The following SMOC1 variants were observed in gnomAD, a reference collection of about 807,000 sequenced individuals.
The protein encoded by SMOC1 is SPARC-related modular calcium-binding protein 1.
In SMOC1, 22 loss-of-function variants were observed where a neutral mutation model predicts 56.3. That is an observed-to-expected ratio of 0.39 (90% CI 0.28 to 0.56). The LOEUF (loss-of-function observed/expected upper bound fraction) is 0.56. Among genes scored for constraint, SMOC1 ranks in the 20% least tolerant of loss-of-function variants. The pLI is 0.61. For missense variants in SMOC1, 509 were observed against 565.4 expected (o/e 0.90, Z 1.01); for synonymous variants, 193 against 215.0 (o/e 0.90, Z 0.89).
At chr14:69,890,918 TGTTCATA>T (rs1323584150) in intron 1 of SMOC1, among the ~76,000 whole-genome samples, 1 of 152,206 alleles carries the variant, frequency 6.6e-6, no homozygotes, top group African/African-American at 2.4e-5. Context: ...AGTTCGAGAC[TGTTCATA>T]GCAGCATTTT....
At position 69,879,535 on chromosome 14, in the gene SMOC1, C is replaced by A; in HGVS notation, c.-144C>A. 1 of 544,054 alleles carries A rather than the reference C, an allele frequency of 1.8e-6. No homozygotes were observed. Among genetic ancestry groups the A allele is most frequent in the Non-Finnish European group, 2.9e-6 (1 of 343,180 alleles). 33.7% of individuals were successfully genotyped at this position (544,054 alleles called of 1,614,324 possible). A position where few individuals can be genotyped will look rare whatever the true frequency, so the allele number is the denominator to read the frequency against. ...TCATGACTGTGTCCCCTGACCGCAG[C>A]CTCTGCGAGCCCCCGCCGCAGGACC... On this transcript the variant is annotated 5_prime_UTR_variant, in exon 1 of 12. Coordinates refer to ENST00000361956, the MANE Select transcript of SMOC1 (RefSeq NM_001034852.3).
At chr14:69,989,584 C>T (rs1374164922) in intron 5 of SMOC1, among the ~76,000 whole-genome samples, 1 of 152,148 alleles carries the variant, frequency 6.6e-6, no homozygotes, top group Non-Finnish European at 1.5e-5. Context: ...GGCAGGTATC[C>T]TTCAATTTTA....
chr14:69,901,565 A>G (rs1019412318), intron 1 of SMOC1, among the ~76,000 whole-genome samples: 16 of 152,210 alleles, frequency 1.1e-4, no homozygotes, highest in African/African-American at 3.6e-4. Context: ...TTGTGTTTGC[A>G]TCTGTTCCAG....
intron 1 of SMOC1, among the ~76,000 whole-genome samples, chr14:69,888,143 A>T (rs1448935973): frequency 1.3e-5 from 2 of 152,102 alleles, no homozygotes; most frequent in Non-Finnish European, 2.9e-5. Flanking sequence ...TGAGAAATAA[A>T]TCGGAGCTGC....
At chr14:70,020,029 A>T (rs1338581056) in intron 10 of SMOC1, among the ~76,000 whole-genome samples, 1 of 151,454 alleles carries the variant, frequency 6.6e-6, no homozygotes, top group Non-Finnish European at 1.5e-5. Flanking sequence ...AAACCCTTCC[A>T]GCTACTGTCT....
chr14:69,951,265 A>G (rs563624092), intron 1 of SMOC1, among the ~76,000 whole-genome samples: 32 of 152,284 alleles, frequency 2.1e-4, no homozygotes, highest in Admixed American at 6.5e-4. Flanking sequence ...CACCACTCCC[A>G]TAGTATTTTC....
At chr14:69,945,773 A>G (rs1882755917) in intron 1 of SMOC1, among the ~76,000 whole-genome samples, 1 of 152,240 alleles carries the variant, frequency 6.6e-6, no homozygotes, top group African/African-American at 2.4e-5. Context: ...ATTTTTGAGT[A>G]TGGTATCACA....
chr14:70,028,102 T>A (rs1885999921), intron 11 of SMOC1, among the ~76,000 whole-genome samples: 1 of 152,276 alleles, frequency 6.6e-6, no homozygotes, highest in South Asian at 2.1e-4. Flanking sequence ...AGGGACTGAA[T>A]TTTTGGAAAT....
rs377121311 is a variant in SMOC1 at position 70,007,132 on chromosome 14, G to A, written c.665-3622G>A. On this transcript the variant is annotated intron_variant, in intron 7 of 11. Transcript: ENST00000361956. ...GGCAAGAAGATGATCTTGCAGAGGT[G>A]AAGCACCCAGCCAGTGCTGAAATGT... Among the ~76,000 whole-genome samples the A allele has an allele frequency of 1.3e-4, 20 of 152,324 alleles. No individual in the cohort carries two copies. The East Asian group carries it at 1.9e-3, about 15-fold the overall frequency.
At chr14:69,954,746 G>T (rs1312490887) in intron 3 of SMOC1, among the ~76,000 whole-genome samples, 1 of 152,156 alleles carries the variant, frequency 6.6e-6, no homozygotes, top group Non-Finnish European at 1.5e-5. Flanking sequence ...ACAACATTTG[G>T]GGGAATCCTG....
In SMOC1 at chr14:70,023,287, C is replaced by T. The variant is rs773345519; in HGVS notation, c.1131C>T (p.Asn377=). Residue 377 remains asparagine, a synonymous_variant, in exon 11 of 12, where the codon AAC becomes AAT. Coordinates refer to ENST00000361956, the MANE Select transcript of SMOC1 (RefSeq NM_001034852.3). ...GCCAGCTGGACAGCAATAGCAGCAACGACATTAACAAGCGGGAGATGAAGC... is the reference window on the plus strand; with the variant it reads ...GCCAGCTGGACAGCAATAGCAGCAATGACATTAACAAGCGGGAGATGAAGC... ...YFSQLDSNSS[N]DINKREMKPF... is the part of the protein sequence containing the mutation. The T allele has an allele frequency of 2.7e-5, 43 of 1,614,122 alleles. No homozygotes were observed. The highest frequency in any genetic ancestry group is 1.6e-4 in the Middle Eastern group (1 of 6,062).
chr14:69,958,256 A>C (rs1289610080), intron 3 of SMOC1, among the ~76,000 whole-genome samples: 1 of 152,194 alleles, frequency 6.6e-6, no homozygotes, highest in Admixed American at 6.5e-5. Context: ...TGGATAACAT[A>C]GTGAGACCCT....
chr14:70,023,586 C>A, intron 11 of SMOC1, 139 bp downstream of exon 11: 1 of 1,288,380 alleles, frequency 7.8e-7, no homozygotes, highest in Non-Finnish European at 1.1e-6. Flanking sequence ...ATGCTTCATG[C>A]TAGATGTTTG....
chr14:69,985,984 G>A (rs1884351105), intron 5 of SMOC1, among the ~76,000 whole-genome samples: 1 of 152,188 alleles, frequency 6.6e-6, no homozygotes, highest in Non-Finnish European at 1.5e-5. Flanking sequence ...CGCGGTTGAA[G>A]GCATCCACTG....
intron 1 of SMOC1, among the ~76,000 whole-genome samples, chr14:69,947,487 G>A (rs894402927): frequency 1.3e-5 from 2 of 152,150 alleles, no homozygotes; most frequent in East Asian, 1.9e-4. Flanking sequence ...TTTCTTCATA[G>A]CAATGCAAGA....
chr14:69,885,790 C>T, intron 1 of SMOC1: 2 of 1,580,004 alleles, frequency 1.3e-6, no homozygotes, highest in Non-Finnish European at 8.7e-7. Context: ...TCTTCTCGGC[C>T]CGGGCCAACA....
intron 5 of SMOC1, among the ~76,000 whole-genome samples, chr14:69,986,664 G>A (rs1340982396): frequency 6.6e-6 from 1 of 152,106 alleles, no homozygotes; most frequent in Non-Finnish European, 1.5e-5. Context: ...TGTGAACCCA[G>A]CCCTGACCAG....
intron 1 of SMOC1, among the ~76,000 whole-genome samples, chr14:69,903,664 C>T (rs138010463): frequency 2.8e-4 from 42 of 152,168 alleles, no homozygotes; most frequent in African/African-American, 9.6e-4. Context: ...GGATTAAGGG[C>T]GGTGCAAGAT....
intron 1 of SMOC1, among the ~76,000 whole-genome samples, chr14:69,935,680 C>CG (rs138836215): frequency 0.02 from 3,014 of 152,238 alleles, 112 homozygotes; most frequent in African/African-American, 0.068. Context: ...GGTGGCAGCA[C>CG]GGGGGTGGTT....
Sources: gnomAD v4.1 joint callset for allele counts (sites outside exome capture counted in the v4.1 genomes callset) on GRCh38, gnomAD v4.1.1 for gene constraint, MANE v1.5 for transcripts, NCBI Gene and HGNC (gene_info 2026-07-23, HGNC 2026-07-21) for gene names.